Variants in SHMT1 observed in about 807,000 individuals in gnomAD.
SHMT1 encodes serine hydroxymethyltransferase, cytosolic.
Under a neutral mutation model 49.0 loss-of-function variants are expected in SHMT1, and 45 were observed. The observed-to-expected ratio is 0.92, with a 90% CI of 0.72 to 1.18. The LOEUF (loss-of-function observed/expected upper bound fraction) is 1.18, where lower values mean the gene tolerates loss of function less well. Among genes scored for constraint, SHMT1 ranks in the 50% most tolerant of loss-of-function variants. SHMT1 has a pLI of 0.00. For missense variants in SHMT1, 541 were observed against 612.4 expected (o/e 0.88, Z 1.23); for synonymous variants, 232 against 246.6 (o/e 0.94, Z 0.55).
intron 8 of SHMT1, among the ~76,000 whole-genome samples, chr17:18,334,085 C>A (rs561137487): frequency 6.6e-6 from 1 of 152,138 alleles, no homozygotes; most frequent in South Asian, 2.1e-4. Flanking sequence ...ACTACAGGCA[C>A]GTGCCACCAC....
intron 3 of SHMT1, among the ~76,000 whole-genome samples, chr17:18,352,005 C>T (rs543207394): frequency 1.1e-4 from 16 of 151,810 alleles, no homozygotes; most frequent in Admixed American, 7.2e-4. Flanking sequence ...CCACCATGTC[C>T]GGCTAATTTT....
In SHMT1 at chr17:18,363,455, C is replaced by G. The variant is rs894087739; in HGVS notation, c.-103G>C. The G allele has an allele frequency of 3.3e-5, 5 of 153,328 alleles. No individual in the cohort carries two copies. The highest frequency in any genetic ancestry group is 1.2e-4 in the African/African-American group (5 of 41,610). The allele number at this position is 153,328 out of a possible 1,614,324, so 9.5% of individuals were successfully genotyped here. A position where few individuals can be genotyped will look rare whatever the true frequency, so the allele number is the denominator to read the frequency against. ...CAACGCCCCGCGCACCGCCGCGGGC[C>G]AGCCACGTGACCAGCCGCTCCAACC... On this transcript the variant is annotated 5_prime_UTR_variant, in exon 1 of 12. Transcript: ENST00000316694.
At position 18,340,163 on chromosome 17, in the gene SHMT1, T is replaced by C; in HGVS notation, c.694A>G (p.Ile232Val). ...ACGCCAGCCGCCACCAGCCCGCTGA[T>C]GTGAGCCATGTCCGCCATGAGATAC... ...GAYLMADMAH[I>V]SGLVAAGVVP... Residue 232 changes from isoleucine to valine, a missense_variant, in exon 7 of 12, where the codon ATC (isoleucine) becomes GTC (valine). Coordinates refer to ENST00000316694, the MANE Select transcript of SHMT1 (RefSeq NM_004169.5). The surrounding 1 kb of genome is among the most constrained non-coding windows in gnomAD (Gnocchi z 4.5). 1.2e-6 allele frequency: 2 copies of C among 1,614,198 alleles called. No individual in the cohort carries two copies. Among genetic ancestry groups the C allele is most frequent in the Non-Finnish European group, 1.7e-6 (2 of 1,180,036 alleles).
intron 3 of SHMT1, 155 bp downstream of exon 3, chr17:18,353,516 GA>G (rs1273766733): frequency 2.4e-6 from 2 of 822,874 alleles, no homozygotes; most frequent in African/African-American, 3.4e-5. Context: ...CACATGCTGG[GA>G]ATAAAAGAGT....
chr17:18,344,958 C>T (rs1380863339), intron 5 of SHMT1, among the ~76,000 whole-genome samples: 2 of 152,148 alleles, frequency 1.3e-5, no homozygotes, highest in African/African-American at 2.4e-5. Flanking sequence ...GGGCAGTGGC[C>T]CTGGGACACC....
At chr17:18,333,077 C>A in intron 9 of SHMT1, 89 bp downstream of exon 9, 1 of 1,512,704 alleles carries the variant, frequency 6.6e-7, no homozygotes, top group East Asian at 2.3e-5. Context: ...AGCAGCAGAG[C>A]CTGGGCCACA....
chr17:18,349,591 C>T (rs1315264324), intron 3 of SHMT1, among the ~76,000 whole-genome samples: 1 of 151,538 alleles, frequency 6.6e-6, no homozygotes, highest in African/African-American at 2.4e-5. Flanking sequence ...TAGTGGCTTG[C>T]ACCTATAGTC....
chr17:18,339,076 A>G (rs2151577189), intron 7 of SHMT1, among the ~76,000 whole-genome samples: 1 of 150,074 alleles, frequency 6.7e-6, no homozygotes, highest in African/African-American at 2.5e-5. Context: ...AAAAAAAAAA[A>G]AAAGAGTAAT....
At chr17:18,349,161 T>A (rs1164786722) in intron 3 of SHMT1, among the ~76,000 whole-genome samples, 1 of 152,138 alleles carries the variant, frequency 6.6e-6, no homozygotes, top group African/African-American at 2.4e-5. Flanking sequence ...GGCTCACGCC[T>A]GTAATCCCAG....
At chr17:18,358,680 T>C (rs989399261) in intron 1 of SHMT1, among the ~76,000 whole-genome samples, 1 of 151,840 alleles carries the variant, frequency 6.6e-6, no homozygotes, top group African/African-American at 2.4e-5. Flanking sequence ...GGCAGGAGGA[T>C]CACTTGAGCC....
chr17:18,342,558 C>CCTA, intron 5 of SHMT1, among the ~76,000 whole-genome samples: 1 of 152,178 alleles, frequency 6.6e-6, no homozygotes, highest in Non-Finnish European at 1.5e-5. Context: ...AAGTGAGCCT[C>CCTA]CTACCTCGAC....
chr17:18,345,738 T>C (rs781071765), intron 5 of SHMT1, among the ~76,000 whole-genome samples: 1 of 151,836 alleles, frequency 6.6e-6, no homozygotes, highest in Non-Finnish European at 1.5e-5. Context: ...TGGAGTGCAA[T>C]GGAGCAATCT....
chr17:18,357,279 CAAAAAAAAAAAAAAAA>C (rs10560620), intron 1 of SHMT1, among the ~76,000 whole-genome samples: 1 of 89,506 alleles, frequency 1.1e-5, no homozygotes. Flanking sequence ...GACTCCACCT[CAAAAAAAAAAAAAAAA>C]AAAAAAAAAA....
chr17:18,330,738 C>T (rs540654382), intron 9 of SHMT1, 67 bp from the exon 10 acceptor site: 77 of 1,185,544 alleles, frequency 6.5e-5, no homozygotes, highest in South Asian at 6.1e-4. Context: ...CTCTGAGAAA[C>T]GAAGGCGAGG....
chr17:18,330,822 C>G (rs928211909), intron 9 of SHMT1, 151 bp from the exon 10 acceptor site: 2 of 690,284 alleles, frequency 2.9e-6, no homozygotes, highest in Admixed American at 4.0e-5. Context: ...CTAATCCCCA[C>G]GAGAGATGCC....
intron 2 of SHMT1, among the ~76,000 whole-genome samples, chr17:18,355,540 C>CA (rs1027853182): frequency 1.3e-5 from 2 of 151,780 alleles, no homozygotes; most frequent in African/African-American, 4.8e-5. Flanking sequence ...AACTCTGTCT[C>CA]AAAAAAATAA....
intron 11 of SHMT1, 138 bp from the exon 12 acceptor site, chr17:18,329,057 A>G: frequency 3.5e-6 from 4 of 1,149,096 alleles, no homozygotes; most frequent in Non-Finnish European, 5.1e-6. Context: ...GCTTACCTCA[A>G]TTACTCTGAG....
chr17:18,342,615 T>C (rs1567780512), intron 5 of SHMT1, among the ~76,000 whole-genome samples: 1 of 151,844 alleles, frequency 6.6e-6, no homozygotes, highest in Non-Finnish European at 1.5e-5. Context: ...CACCTGGCCA[T>C]GTGATCTTAC....
chr17:18,352,006 G>A (rs1598056383), intron 3 of SHMT1, among the ~76,000 whole-genome samples: 2 of 151,908 alleles, frequency 1.3e-5, no homozygotes, highest in African/African-American at 2.4e-5. Context: ...CACCATGTCC[G>A]GCTAATTTTT....
Sources: allele counts gnomAD v4.1 joint callset (sites outside exome capture counted in the v4.1 genomes callset), GRCh38; gene constraint gnomAD v4.1.1; non-coding constraint Gnocchi (gnomAD v3.1); transcripts MANE v1.5; gene names NCBI Gene and HGNC (gene_info 2026-07-23, HGNC 2026-07-21).